The following SPIDR variants were observed in gnomAD, a reference collection of about 807,000 sequenced individuals.
SPIDR encodes the protein scaffold protein involved in DNA repair, also known as DNA repair-scaffolding protein.
In SPIDR, 93 loss-of-function variants were observed where a neutral mutation model predicts 104.6. The observed-to-expected ratio is 0.89, with a 90% CI of 0.75 to 1.06. SPIDR has a LOEUF of 1.06. Ranked by LOEUF, SPIDR falls within the 50% of genes least tolerant of loss-of-function variation. SPIDR has a pLI of 0.00. For missense variants in SPIDR, 1,154 were observed against 1,111.2 expected (o/e 1.04, Z -0.55); for synonymous variants, 431 against 416.9 (o/e 1.03, Z -0.41).
At chr8:47,303,334 G>C (rs971793522) in intron 5 of SPIDR, among the ~76,000 whole-genome samples, 1 of 152,206 alleles carries the variant, frequency 6.6e-6, no homozygotes, top group African/African-American at 2.4e-5. Context: ...TTTTCCAGGT[G>C]CTGTCTGTCA....
chr8:47,688,679 C>T (rs2078192930), intron 11 of SPIDR: 3 of 152,282 alleles, frequency 2.0e-5, no homozygotes, highest in Admixed American at 6.5e-5. Flanking sequence ...GGAGCCCTTG[C>T]TGTGTATCCC....
intron 11 of SPIDR, among the ~76,000 whole-genome samples, chr8:47,695,016 G>T (rs1226473107): frequency 6.6e-6 from 1 of 151,918 alleles, no homozygotes; most frequent in Non-Finnish European, 1.5e-5. Flanking sequence ...TGTTTTGCAG[G>T]TCTCTTCACT....
chr8:47,421,757 T>C (rs1350278358), intron 7 of SPIDR, among the ~76,000 whole-genome samples: 10 of 152,214 alleles, frequency 6.6e-5, no homozygotes, highest in African/African-American at 2.4e-4. Flanking sequence ...ACCTTTGGTC[T>C]TTGACGATGG....
intron 8 of SPIDR, among the ~76,000 whole-genome samples, chr8:47,522,003 A>G (rs947264669): frequency 2.0e-5 from 3 of 151,704 alleles, no homozygotes; most frequent in African/African-American, 7.3e-5. Flanking sequence ...GTGTCTACTA[A>G]AAATACAAAA....
At chr8:47,680,040 G>A (rs938686675) in intron 11 of SPIDR, among the ~76,000 whole-genome samples, 5 of 151,934 alleles carry the variant, frequency 3.3e-5, no homozygotes, top group Non-Finnish European at 2.9e-5. Flanking sequence ...TACTGTATGC[G>A]GTGCAGGTGA....
chr8:47,546,247 T>C (rs777898169), intron 8 of SPIDR, among the ~76,000 whole-genome samples: 1 of 152,138 alleles, frequency 6.6e-6, no homozygotes, highest in Non-Finnish European at 1.5e-5. Flanking sequence ...GAGATACCTG[T>C]TTGGGAAATT....
intron 10 of SPIDR, among the ~76,000 whole-genome samples, chr8:47,641,504 G>A (rs2068994967): frequency 6.6e-6 from 1 of 152,210 alleles, no homozygotes; most frequent in Admixed American, 6.5e-5. Flanking sequence ...CTATAGATGA[G>A]ACGTTTTAAA....
chr8:47,515,428 G>A (rs1197520189), intron 8 of SPIDR, among the ~76,000 whole-genome samples: 2 of 152,154 alleles, frequency 1.3e-5, no homozygotes, highest in Admixed American at 6.5e-5. Flanking sequence ...TTATGTGGTT[G>A]TCCTGAGCTT....
At chr8:47,349,450 G>A (rs1457627372) in intron 5 of SPIDR, among the ~76,000 whole-genome samples, 1 of 152,216 alleles carries the variant, frequency 6.6e-6, no homozygotes, top group Non-Finnish European at 1.5e-5. Flanking sequence ...GAGGCAGTGT[G>A]TCTGTTCTCA....
intron 16 of SPIDR, among the ~76,000 whole-genome samples, chr8:47,725,953 G>A (rs1262547402): frequency 6.6e-6 from 1 of 152,258 alleles, no homozygotes; most frequent in African/African-American, 2.4e-5. Flanking sequence ...CCAAACATCA[G>A]TAAACCAGTG....
intron 6 of SPIDR, among the ~76,000 whole-genome samples, chr8:47,405,855 A>G (rs2062682717): frequency 6.6e-6 from 1 of 152,182 alleles, no homozygotes; most frequent in South Asian, 2.1e-4. Flanking sequence ...GGTGTTTCCT[A>G]AGCTCAAGTT....
At chr8:47,553,806 C>T (rs1035281396) in intron 8 of SPIDR, among the ~76,000 whole-genome samples, 1 of 152,196 alleles carries the variant, frequency 6.6e-6, no homozygotes, top group Non-Finnish European at 1.5e-5. Context: ...GAACTGTCTT[C>T]CTTTGGAGGA....
At chr8:47,685,987 C>G (rs1256681299) in intron 11 of SPIDR, among the ~76,000 whole-genome samples, 1 of 151,832 alleles carries the variant, frequency 6.6e-6, no homozygotes, top group Non-Finnish European at 1.5e-5. Context: ...CGAGACCTGT[C>G]TATACACAAG....
At chr8:47,264,158 T>C (rs1297950576) in intron 1 of SPIDR, among the ~76,000 whole-genome samples, 3 of 152,132 alleles carry the variant, frequency 2.0e-5, no homozygotes, top group African/African-American at 7.2e-5. Flanking sequence ...ATATCACGAC[T>C]CTTAAGATGA....
intron 8 of SPIDR, among the ~76,000 whole-genome samples, chr8:47,489,888 C>T (rs2154366102): frequency 6.6e-6 from 1 of 152,126 alleles, no homozygotes; most frequent in South Asian, 2.1e-4. Flanking sequence ...AGACCTAAAA[C>T]CATAAAAACC....
At chr8:47,577,112 A>AT (rs1219493820) in intron 8 of SPIDR, among the ~76,000 whole-genome samples, 2 of 152,160 alleles carry the variant, frequency 1.3e-5, no homozygotes, top group African/African-American at 4.8e-5. Flanking sequence ...TCAAATTGTG[A>AT]TTTTCTCTGC....
chr8:47,487,567 A>G (rs1203472533), intron 8 of SPIDR, among the ~76,000 whole-genome samples: 1 of 152,194 alleles, frequency 6.6e-6, no homozygotes, highest in African/African-American at 2.4e-5. Flanking sequence ...TCCCAGCACC[A>G]CTTCGTACTT....
At chr8:47,266,129 C>CTTTTTTT (rs1224689414) in intron 1 of SPIDR, among the ~76,000 whole-genome samples, 4 of 129,670 alleles carry the variant, frequency 3.1e-5, no homozygotes, top group African/African-American at 5.7e-5. Flanking sequence ...GTTTCTTTGT[C>CTTTTTTT]TTTTTTTTTT....
At chr8:47,685,517 A>ATTTATTTAT (rs761792229) in intron 11 of SPIDR, among the ~76,000 whole-genome samples, 3 of 130,170 alleles carry the variant, frequency 2.3e-5, no homozygotes, top group Non-Finnish European at 3.4e-5. Flanking sequence ...TTATTTATTT[A>ATTTATTTAT]TTTTTTTGAG....
Sources: allele counts gnomAD v4.1 joint callset (sites outside exome capture counted in the v4.1 genomes callset), GRCh38; gene constraint gnomAD v4.1.1; transcripts MANE v1.5; gene names NCBI Gene and HGNC (gene_info 2026-07-23, HGNC 2026-07-21).